CLYBL: variants seen among roughly 807,000 people sequenced by gnomAD.
CLYBL encodes the protein citramalyl-CoA lyase, mitochondrial.
CLYBL carries 31 observed loss-of-function variants against 38.9 expected under a neutral mutation model. The observed-to-expected ratio is 0.80, with a 90% CI of 0.60 to 1.08. The LOEUF is 1.08. CLYBL is among the 50% of genes least tolerant of loss of function. The pLI is 0.00. For missense variants in CLYBL, 434 were observed against 411.6 expected (o/e 1.05, Z -0.47); for synonymous variants, 171 against 158.6 (o/e 1.08, Z -0.59).
At chr13:99,799,510 A>G (rs1286825453) in intron 2 of CLYBL, among the ~76,000 whole-genome samples, 2 of 152,186 alleles carry the variant, frequency 1.3e-5, no homozygotes, top group Admixed American at 1.3e-4. Flanking sequence ...AGGACTTGCC[A>G]ATTTTCATTT....
intron 1 of CLYBL, among the ~76,000 whole-genome samples, chr13:99,623,396 A>G (rs1422256651): frequency 1.3e-5 from 2 of 152,088 alleles, no homozygotes; most frequent in Non-Finnish European, 2.9e-5. Flanking sequence ...TTCCTATTGC[A>G]TTTATAATAA....
rs71689410 is a variant in CLYBL at position 99,716,395 on chromosome 13, C to CTTTT, written c.63-56418_63-56415dup. ...CCTATATTTTTCTTTCTTTTCTTTT[C>CTTTT]TTTTTTTTTTTTTTAATAGAGTCTG... On this transcript the variant is annotated intron_variant, in intron 1 of 8. Transcript: ENST00000339105. Among the ~76,000 whole-genome samples, 7 of 135,270 alleles carry CTTTT rather than the reference C, an allele frequency of 5.2e-5. 1 individual carries two copies. The South Asian group carries it at 1.7e-3, about 32-fold the overall frequency. 88.7% of individuals were successfully genotyped at this position (135,270 alleles called of 152,430 possible).
chr13:99,858,180 T>C (rs942830734), intron 2 of CLYBL, among the ~76,000 whole-genome samples: 5 of 152,212 alleles, frequency 3.3e-5, no homozygotes, highest in African/African-American at 1.2e-4. Context: ...TTTTCTGAAC[T>C]GTGGAGCAAA....
chr13:99,840,269 A>G (rs770259238), intron 2 of CLYBL, among the ~76,000 whole-genome samples: 1 of 149,712 alleles, frequency 6.7e-6, no homozygotes, highest in Non-Finnish European at 1.5e-5. Context: ...AAAAAAAATC[A>G]CTATATACAA....
chr13:99,820,085 C>T (rs1479959420), intron 2 of CLYBL, among the ~76,000 whole-genome samples: 1 of 152,186 alleles, frequency 6.6e-6, no homozygotes, highest in East Asian at 1.9e-4. Flanking sequence ...AGTGTCGGGC[C>T]CTCTCCATCT....
chr13:99,777,255 G>A (rs906359474), intron 2 of CLYBL, among the ~76,000 whole-genome samples: 6 of 151,988 alleles, frequency 3.9e-5, no homozygotes, highest in South Asian at 2.1e-4. Flanking sequence ...ATCTTTTCAC[G>A]CAGATATTAT....
chr13:99,794,580 AT>A (rs2049984121), intron 2 of CLYBL, among the ~76,000 whole-genome samples: 2 of 40,912 alleles, frequency 4.9e-5, no homozygotes, highest in East Asian at 1.6e-3. Flanking sequence ...CTATATTTTC[AT>A]TTATTATTAT....
At chr13:99,866,129 GC>G in intron 5 of CLYBL, 110 bp from the exon 6 acceptor site, 1 of 1,065,670 alleles carries the variant, frequency 9.4e-7, no homozygotes, top group East Asian at 2.4e-5. Flanking sequence ...TTGCGGAGGA[GC>G]AATTTCCAGG....
At chr13:99,903,072 G>A (rs1337775339) in intron 8 of CLYBL, among the ~76,000 whole-genome samples, 2 of 152,168 alleles carry the variant, frequency 1.3e-5, no homozygotes, top group East Asian at 1.9e-4. Flanking sequence ...GCCACAGACC[G>A]TCTTCATGAG....
downstream of CLYBL, among the ~76,000 whole-genome samples, chr13:99,901,035 GGGCTGGTCTGAAT>G (rs2052636117): frequency 6.6e-6 from 1 of 152,206 alleles, no homozygotes; most frequent in Non-Finnish European, 1.5e-5. Flanking sequence ...TTTCTGCTGG[GGGCTGGTCTGAAT>G]GGCTGGAAAA....
chr13:99,794,485 C>T (rs1415451577), intron 2 of CLYBL, among the ~76,000 whole-genome samples: 2 of 152,040 alleles, frequency 1.3e-5, no homozygotes, highest in African/African-American at 4.8e-5. Context: ...TGAAATCATG[C>T]AGAGAACATG....
chr13:99,743,116 C>T (rs2048786209), intron 1 of CLYBL, among the ~76,000 whole-genome samples: 1 of 150,478 alleles, frequency 6.6e-6, no homozygotes, highest in Non-Finnish European at 1.5e-5. Flanking sequence ...AAATTTAAAA[C>T]ACTACAGTGT....
At chr13:99,887,860 T>G (rs1950350373) in intron 7 of CLYBL, among the ~76,000 whole-genome samples, 1 of 151,618 alleles carries the variant, frequency 6.6e-6, no homozygotes, top group African/African-American at 2.4e-5. Context: ...ATTTGGGGTT[T>G]TTTTTTTTTT....
At chr13:99,695,040 C>T (rs17473598) in intron 1 of CLYBL, among the ~76,000 whole-genome samples, 6,210 of 152,220 alleles carry the variant, frequency 0.041, 154 homozygotes, top group Non-Finnish European at 0.05. Flanking sequence ...TCCATCCCAC[C>T]GCGAGAGCGA....
chr13:99,731,716 A>G (rs991753800), intron 1 of CLYBL, among the ~76,000 whole-genome samples: 3 of 152,188 alleles, frequency 2.0e-5, no homozygotes, highest in Non-Finnish European at 4.4e-5. Context: ...CCACATGGAC[A>G]GTGGACCCCT....
At chr13:99,891,619 G>A in intron 8 of CLYBL, 182 bp downstream of exon 8, 1 of 513,694 alleles carries the variant, frequency 1.9e-6, no homozygotes, top group Non-Finnish European at 3.5e-6. Flanking sequence ...TTGGATCCAA[G>A]CTTATGATTT....
At chr13:99,645,055 A>T (rs548198157) in intron 1 of CLYBL, among the ~76,000 whole-genome samples, 1 of 152,314 alleles carries the variant, frequency 6.6e-6, no homozygotes, top group African/African-American at 2.4e-5. Flanking sequence ...TTGCTGGGTC[A>T]TATGGTAGTT....
chr13:99,877,349 T>G (rs551255431), intron 7 of CLYBL, among the ~76,000 whole-genome samples: 1 of 152,116 alleles, frequency 6.6e-6, no homozygotes, highest in Non-Finnish European at 1.5e-5. Context: ...CCTCTAAGGA[T>G]GGATGGGTCT....
rs373205314 is a variant in CLYBL, at chr13:99,635,224, G to T, written c.62+28467G>T. On this transcript the variant is annotated intron_variant, in intron 1 of 8. Transcript: ENST00000339105. ...GTCTTCGTAATGAAATGTACCTGGG[G>T]GTCATTAACAAGGTCAATTGACCCA... Among the ~76,000 whole-genome samples, 14 of 152,022 alleles carry T rather than the reference G, an allele frequency of 9.2e-5. No individual in the cohort carries two copies. The East Asian group carries it at 1.9e-3, about 21-fold the overall frequency.
Sources: gnomAD v4.1 joint callset for allele counts (sites outside exome capture counted in the v4.1 genomes callset) on GRCh38, gnomAD v4.1.1 for gene constraint, MANE v1.5 for transcripts, NCBI Gene and HGNC (gene_info 2026-07-23, HGNC 2026-07-21) for gene names.